The following CLCN6 variants were observed in gnomAD, a reference collection of about 807,000 sequenced individuals.
CLCN6 encodes the protein H(+)/Cl(-) exchange transporter 6.
A neutral mutation model predicts 109.8 loss-of-function variants in CLCN6; 70 were observed. The ratio of observed to expected loss-of-function variants is 0.64; its 90% CI spans 0.53 to 0.78. The LOEUF (loss-of-function observed/expected upper bound fraction) is 0.78, where lower values mean the gene tolerates loss of function less well. Ranked by LOEUF, CLCN6 falls within the 30% of genes least tolerant of loss-of-function variation. The pLI is 0.00. For synonymous variants in CLCN6, 444 were observed against 447.8 expected, an observed-to-expected ratio of 0.99 and a Z score of 0.11; for missense variants, 984 against 1,142.3, an observed-to-expected ratio of 0.86 and a Z score of 2.00.
intron 2 of CLCN6, among the ~76,000 whole-genome samples, chr1:11,807,952 CCTTTT>C (rs1406693306): frequency 2.0e-5 from 3 of 152,084 alleles, no homozygotes; most frequent in African/African-American, 4.8e-5. Context: ...TTTTCCACAA[CCTTTT>C]CTTTTTTTTG....
At chr1:11,813,378 G>T (rs1644627461) in intron 2 of CLCN6, among the ~76,000 whole-genome samples, 1 of 151,646 alleles carries the variant, frequency 6.6e-6, no homozygotes, top group African/African-American at 2.4e-5. Flanking sequence ...TTTCTTTTCT[G>T]ATCAGTAAAA....
chr1:11,827,057 T>C (rs1644820209), intron 9 of CLCN6, 32 bp from the exon 10 acceptor site: 2 of 1,608,720 alleles, frequency 1.2e-6, no homozygotes, highest in East Asian at 2.2e-5. Flanking sequence ...GGGGGCTCTT[T>C]ATTGGATAAC....
rs377523720 is a variant in CLCN6, at chr1:11,838,675, G to A, written c.2529+15G>A. On this transcript the variant is annotated intron_variant, in intron 22 of 22. Transcript: ENST00000346436. ...CTGTGGGAGAGGTGAGCGAGGCCCC[G>A]GCCCTGCCCCCACCTTTGAGAGAGG... 9.9e-6 allele frequency: 16 copies of A among 1,614,246 alleles called. No individual in the cohort carries two copies. The highest frequency in any genetic ancestry group is 8.0e-5 in the African/African-American group (6 of 75,062).
In CLCN6 at chr1:11,823,154, C is replaced by T. The variant is rs114616204; in HGVS notation, c.453+353C>T. Among the ~76,000 whole-genome samples, 347 of 152,220 alleles carry T rather than the reference C, an allele frequency of 2.3e-3. 1 individual carries two copies. The highest frequency in any genetic ancestry group is 8.1e-3 in the African/African-American group (337 of 41,532). ...TCGTAACATACCTGTACATGCAATC[C>T]CTGAACCTAAAATAAAAGTGGAAAT... On this transcript the variant is annotated intron_variant, in intron 6 of 22. Coordinates refer to ENST00000346436, the MANE Select transcript of CLCN6 (RefSeq NM_001286.5).
At chr1:11,829,151 G>C in intron 12 of CLCN6, 45 bp from the exon 13 acceptor site, 1 of 1,601,722 alleles carries the variant, frequency 6.2e-7, no homozygotes, top group South Asian at 1.1e-5. Context: ...TCTGAGACCA[G>C]AGCTTCTTTC....
chr1:11,813,248 C>CTT (rs1644625581), intron 2 of CLCN6, among the ~76,000 whole-genome samples: 1 of 152,100 alleles, frequency 6.6e-6, no homozygotes, highest in Non-Finnish European at 1.5e-5. Flanking sequence ...TTCAGCAGAC[C>CTT]TTTAGAGAGT....
chr1:11,814,212 G>A (rs1010904727), intron 2 of CLCN6, among the ~76,000 whole-genome samples: 1 of 150,480 alleles, frequency 6.6e-6, no homozygotes, highest in Non-Finnish European at 1.5e-5. Context: ...GCTGATGGCC[G>A]ACCATTATTT....
intron 4 of CLCN6, among the ~76,000 whole-genome samples, chr1:11,818,668 A>G (rs1644704057): frequency 6.6e-6 from 1 of 152,276 alleles, no homozygotes; most frequent in African/African-American, 2.4e-5. Flanking sequence ...TCCTGAATCC[A>G]TAAAATTAGA....
intron 1 of CLCN6, chr1:11,806,795 A>G (rs1288876235): frequency 1.1e-5 from 4 of 376,786 alleles, no homozygotes; most frequent in Non-Finnish European, 1.9e-5. Flanking sequence ...GTGTTCCCAG[A>G]GTTGACAAGT....
Position 11,816,595 on chromosome 1 carries a change from T to C in CLCN6, c.214-20T>C. On this transcript the variant is annotated intron_variant, in intron 3 of 22. Coordinates refer to ENST00000346436, the MANE Select transcript of CLCN6 (RefSeq NM_001286.5). ...CACCATAACCCTGTAAACTGAATCA[T>C]TCTTTTCCTGTGTGAACAGAAAGGT... is the stretch of plus-strand genomic sequence containing the variant. The C allele has an allele frequency of 1.9e-6, 3 of 1,608,638 alleles. No individual in the cohort carries two copies. The highest frequency in any genetic ancestry group is 1.7e-6 in the Non-Finnish European group (2 of 1,176,980).
In CLCN6 at chr1:11,841,803, G is replaced by T. The variant is rs984657807; in HGVS notation, c.*1580G>T. 6.6e-6 allele frequency: 1 copy of T among 152,178 alleles called. No homozygotes were observed. The highest frequency in any genetic ancestry group is 2.4e-5 in the African/African-American group (1 of 41,426). The allele number at this position is 152,178 out of a possible 1,614,324, so 9.4% of individuals were successfully genotyped here. On this transcript the variant is annotated 3_prime_UTR_variant, in exon 23 of 23. Transcript: ENST00000346436. The stretch of plus-strand genomic sequence containing the variant: ...CACTCCAGAGATGGGGCTGCTTCAA[G>T]GTCTTTTCTAGCTGATTGTGGCCCC...
chr1:11,836,996 C>T lies in CLCN6; in HGVS notation c.1981-3C>T. 1.9e-6 allele frequency: 3 copies of T among 1,608,204 alleles called. No homozygotes were observed. The highest frequency in any genetic ancestry group is 2.5e-6 in the Non-Finnish European group (3 of 1,180,004). ...CAGTAGCCTGTGGCCTCCCCACCCACAGAAATCCAGCATCCTCACCCGGGC... is the reference window on the plus strand; with the variant it reads ...CAGTAGCCTGTGGCCTCCCCACCCATAGAAATCCAGCATCCTCACCCGGGC... On this transcript the variant is annotated splice_region_variant and splice_polypyrimidine_tract_variant and intron_variant, in intron 18 of 22. Coordinates refer to ENST00000346436, the MANE Select transcript of CLCN6 (RefSeq NM_001286.5).
intron 17 of CLCN6, 108 bp from the exon 18 acceptor site, chr1:11,835,859 C>G: frequency 7.2e-6 from 6 of 833,532 alleles, no homozygotes; most frequent in Non-Finnish European, 9.3e-6. Flanking sequence ...TTCAGAAGAG[C>G]CCCCCACCCC....
chr1:11,840,258 G>T lies in CLCN6; in HGVS notation c.*35G>T. 6.3e-7 allele frequency: 1 copy of T among 1,577,762 alleles called. No homozygotes were observed. Among genetic ancestry groups the T allele is most frequent in the South Asian group, 1.1e-5 (1 of 90,518 alleles). ...CCACCCTCTCCTGGTGCTGCCTGGG[G>T]AGGCAAATCATGCTCACTCCGGCGG... On this transcript the variant is annotated 3_prime_UTR_variant, in exon 23 of 23. Coordinates refer to ENST00000346436, the MANE Select transcript of CLCN6 (RefSeq NM_001286.5).
chr1:11,826,102 A>G, intron 8 of CLCN6, 54 bp from the exon 9 acceptor site: 1 of 1,203,368 alleles, frequency 8.3e-7, no homozygotes, highest in Non-Finnish European at 1.2e-6. Flanking sequence ...GGGTACAGGT[A>G]GTATTTGGTT....
chr1:11,817,595 G>A (rs2100618323), intron 4 of CLCN6, among the ~76,000 whole-genome samples: 1 of 152,284 alleles, frequency 6.6e-6, no homozygotes, highest in South Asian at 2.1e-4. Flanking sequence ...ATGAGGAAGA[G>A]AAGCTGGAAA....
chr1:11,815,058 TTG>T (rs1644652631), intron 2 of CLCN6, among the ~76,000 whole-genome samples: 1 of 150,894 alleles, frequency 6.6e-6, no homozygotes, highest in Non-Finnish European at 1.5e-5. Context: ...AAAGTGGAAG[TTG>T]CTTTTAAAAA....
At chr1:11,807,307 G>A (rs1644529557) in intron 2 of CLCN6, 117 bp downstream of exon 2, 1 of 859,024 alleles carries the variant, frequency 1.2e-6, no homozygotes, top group Admixed American at 2.2e-5. Context: ...CAGGGAGTGA[G>A]TGGGTAAGAG....
chr1:11,807,174 C>G lies in CLCN6; in HGVS notation c.131C>G (p.Pro44Arg), dbSNP rs757134976. 1 of 1,614,098 alleles carries G rather than the reference C, an allele frequency of 6.2e-7. No individual in the cohort carries two copies. The highest frequency in any genetic ancestry group is 1.1e-5 in the South Asian group (1 of 91,078). ...CAGGAGGAGGAGGATGAGATTCTTC[C>G]AAGGAAAGACTATGAGGTGAGCTCC... is the stretch of plus-strand genomic sequence containing the variant. ...ETQEEEDEILPRKDYESLDYD... is the reference protein window; with the variant it reads ...ETQEEEDEILRRKDYESLDYD... The change falls in exon 2 of 23, where the codon CCA becomes CGA. Residue 44 changes from proline (P) to arginine (R), a missense_variant. Physicochemically the swap from Pro to Arg is moderately radical, Grantham distance 103 (BLOSUM62 -2). Transcript: ENST00000346436.
Sources: allele counts gnomAD v4.1 joint callset (sites outside exome capture counted in the v4.1 genomes callset), GRCh38; gene constraint gnomAD v4.1.1; transcripts MANE v1.5; gene names NCBI Gene and HGNC (gene_info 2026-07-23, HGNC 2026-07-21).